Variants in DPP10 observed in about 807,000 individuals in gnomAD.
DPP10 encodes the protein inactive dipeptidyl peptidase 10.
A neutral mutation model predicts 120.9 loss-of-function variants in DPP10; 33 were observed. The ratio of observed to expected loss-of-function variants is 0.27; its 90% CI spans 0.21 to 0.37. DPP10 has a LOEUF of 0.37. DPP10 is among the 10% of genes least tolerant of loss of function. The probability of loss-of-function intolerance (pLI) is 1.00; values close to 1 mark genes in which losing one functional copy is unlikely to be tolerated. For missense variants in DPP10, 816 were observed against 942.8 expected, an observed-to-expected ratio of 0.87 and a Z score of 1.76; for synonymous variants, 337 against 326.1, an observed-to-expected ratio of 1.03 and a Z score of -0.36.
intron 1 of DPP10, among the ~76,000 whole-genome samples, chr2:114,574,315 G>C (rs1689889321): frequency 6.6e-6 from 1 of 152,120 alleles, no homozygotes; most frequent in Non-Finnish European, 1.5e-5. Context: ...AGGAAGAGGA[G>C]AGCAAAATCT....
At chr2:115,651,250 A>T (rs961639070) in intron 5 of DPP10, among the ~76,000 whole-genome samples, 1 of 152,082 alleles carries the variant, frequency 6.6e-6, no homozygotes, top group African/African-American at 2.4e-5. Context: ...AGATTTGTTC[A>T]ACTCTGTTTG....
intron 1 of DPP10, among the ~76,000 whole-genome samples, chr2:114,755,375 A>G (rs1558707085): frequency 6.6e-6 from 1 of 152,076 alleles, no homozygotes; most frequent in African/African-American, 2.4e-5. Flanking sequence ...CTTACTGCAA[A>G]CTCATCCTCC....
chr2:115,558,512 T>C lies in DPP10; in HGVS notation c.441+32540T>C, dbSNP rs547122135. On this transcript the variant is annotated intron_variant, in intron 5 of 25. Coordinates refer to ENST00000410059, the MANE Select transcript of DPP10 (RefSeq NM_020868.6). ...ATCTCAGGAATTAGGATTTAATGAA[T>C]AAGTAATGAGGATGAATTTTAACAA... Among the ~76,000 whole-genome samples the C allele has an allele frequency of 7.9e-5, 12 of 152,248 alleles. No homozygotes were observed. The South Asian group carries it at 8.3e-4, about 11-fold the overall frequency.
chr2:114,492,362 A>T (rs1682080722), intron 1 of DPP10, among the ~76,000 whole-genome samples: 1 of 152,130 alleles, frequency 6.6e-6, no homozygotes, highest in African/African-American at 2.4e-5. Context: ...CATTAAGGTT[A>T]GGTTATCAAT....
intron 1 of DPP10, among the ~76,000 whole-genome samples, chr2:114,680,533 A>AATTGTGC (rs1698960010): frequency 6.6e-6 from 1 of 151,994 alleles, no homozygotes; most frequent in African/African-American, 2.4e-5. Context: ...TTTAAAAGCT[A>AATTGTGC]ATTGTGCATC....
chr2:114,645,299 T>C (rs542311480), intron 1 of DPP10, among the ~76,000 whole-genome samples: 2 of 152,330 alleles, frequency 1.3e-5, no homozygotes, highest in South Asian at 4.1e-4. Flanking sequence ...AGCTATCTTG[T>C]GTCCTAAGTT....
At chr2:115,317,207 T>C (rs2061838248) in intron 2 of DPP10, among the ~76,000 whole-genome samples, 1 of 152,188 alleles carries the variant, frequency 6.6e-6, no homozygotes, top group Admixed American at 6.5e-5. Flanking sequence ...CCCACCTCCC[T>C]CATCCCCTGG....
At chr2:115,698,932 A>G (rs1271833770) in intron 7 of DPP10, among the ~76,000 whole-genome samples, 1 of 151,668 alleles carries the variant, frequency 6.6e-6, no homozygotes, top group African/African-American at 2.4e-5. Flanking sequence ...TAAACAAAGT[A>G]GATAATTAAA....
At chr2:115,580,261 G>A (rs1026409798) in intron 5 of DPP10, 1 of 152,080 alleles carries the variant, frequency 6.6e-6, no homozygotes, top group African/African-American at 2.4e-5. Context: ...AATAATAAAT[G>A]AAAAAGTTGG....
chr2:115,620,778 G>A (rs1275668927), intron 5 of DPP10, among the ~76,000 whole-genome samples: 1 of 152,150 alleles, frequency 6.6e-6, no homozygotes, highest in African/African-American at 2.4e-5. Context: ...CTTCCTTGAA[G>A]AATATAGTAC....
At chr2:114,907,373 C>T (rs1694051964) in intron 1 of DPP10, among the ~76,000 whole-genome samples, 1 of 151,852 alleles carries the variant, frequency 6.6e-6, no homozygotes, top group Non-Finnish European at 1.5e-5. Context: ...TTTCCTGTCT[C>T]TTAGCAAGAA....
At chr2:115,633,296 C>G (rs551061541) in intron 5 of DPP10, among the ~76,000 whole-genome samples, 1 of 152,230 alleles carries the variant, frequency 6.6e-6, no homozygotes, top group Admixed American at 6.5e-5. Flanking sequence ...ATGGATGAAG[C>G]TGGAAACCAT....
At chr2:115,641,886 C>T (rs1465755225) in intron 5 of DPP10, among the ~76,000 whole-genome samples, 1 of 152,064 alleles carries the variant, frequency 6.6e-6, no homozygotes, top group Non-Finnish European at 1.5e-5. Context: ...CCTTTTCAGC[C>T]ACACAGCCTG....
intron 5 of DPP10, among the ~76,000 whole-genome samples, chr2:115,555,941 C>G (rs2080184041): frequency 6.6e-6 from 1 of 151,968 alleles, no homozygotes; most frequent in South Asian, 2.1e-4. Context: ...TATTGGCAAG[C>G]AAATAGATTG....
chr2:115,626,421 A>T (rs1490655496), intron 5 of DPP10, among the ~76,000 whole-genome samples: 1 of 152,108 alleles, frequency 6.6e-6, no homozygotes, highest in Non-Finnish European at 1.5e-5. Context: ...CATTATTCCT[A>T]AAAAACTCCA....
chr2:114,774,134 G>T (rs1681516354), intron 1 of DPP10, among the ~76,000 whole-genome samples: 1 of 152,056 alleles, frequency 6.6e-6, no homozygotes, highest in African/African-American at 2.4e-5. Context: ...CATGCACTGT[G>T]GGTTGTATTC....
rs1034518193 is a variant in DPP10, at chr2:115,548,115, C to T, written c.441+22143C>T. Among the ~76,000 whole-genome samples the T allele has an allele frequency of 2.6e-5, 4 of 152,048 alleles. No individual in the cohort carries two copies. In the South Asian group the frequency reaches 6.2e-4, roughly 24 times the overall value. On this transcript the variant is annotated intron_variant, in intron 5 of 25. Transcript: ENST00000410059. The stretch of plus-strand genomic sequence containing the variant: ...CAAAAGAATCTAGAATTTAGAAAGC[C>T]GTATAGAAAATGTGGAAGAAATTAT...
chr2:115,459,908 A>G (rs1268798042), intron 3 of DPP10, among the ~76,000 whole-genome samples: 5 of 121,680 alleles, frequency 4.1e-5, no homozygotes, highest in African/African-American at 1.1e-4. Context: ...CAAGGCTTAC[A>G]TAGTAAAACA....
chr2:115,426,618 A>C (rs1461847548), intron 3 of DPP10, among the ~76,000 whole-genome samples: 7 of 149,004 alleles, frequency 4.7e-5, no homozygotes, highest in Non-Finnish European at 8.9e-5. Flanking sequence ...TCAACATGAG[A>C]TTCTCACCAG....
Sources: allele counts gnomAD v4.1 joint callset (sites outside exome capture counted in the v4.1 genomes callset), GRCh38; gene constraint gnomAD v4.1.1; transcripts MANE v1.5; gene names NCBI Gene and HGNC (gene_info 2026-07-23, HGNC 2026-07-21).